Variants in CHD9 observed in about 807,000 individuals in gnomAD.
CHD9 encodes the protein ATP-dependent chromatin remodeler CHD9.
Under a neutral mutation model 316.1 loss-of-function variants are expected in CHD9, and 77 were observed. The ratio of observed to expected loss-of-function variants is 0.24; its 90% CI spans 0.20 to 0.29. The LOEUF (loss-of-function observed/expected upper bound fraction) is 0.29. Ranked by LOEUF, CHD9 falls within the 10% of genes least tolerant of loss-of-function variation. The pLI is 1.00. For missense variants in CHD9, 2,763 were observed against 3,438.1 expected (o/e 0.80, Z 4.91); for synonymous variants, 1,129 against 1,158.3 (o/e 0.97, Z 0.51).
intron 2 of CHD9, among the ~76,000 whole-genome samples, chr16:53,162,651 G>T (rs2041994718): frequency 6.6e-6 from 1 of 152,074 alleles, no homozygotes; most frequent in East Asian, 1.9e-4. Flanking sequence ...ATTGCCTTTT[G>T]TATTTTGATA....
intron 1 of CHD9, among the ~76,000 whole-genome samples, chr16:53,077,331 T>A (rs1314842431): frequency 6.8e-6 from 1 of 147,432 alleles, no homozygotes; most frequent in African/African-American, 2.5e-5. Context: ...TAAATTCATT[T>A]TTTTTTGTTT....
In CHD9 at chr16:53,247,512, T is replaced by TA; in HGVS notation, c.3665+10dup. ...TATCTCATACATAAAAGGTAAAGCA[T>TA]ACTGAATTTACTGTGAATTATGCTA... On this transcript the variant is annotated intron_variant, in intron 16 of 38. Transcript: ENST00000447540. The TA allele has an allele frequency of 1.3e-6, 2 of 1,541,266 alleles. No homozygotes were observed. Among genetic ancestry groups the TA allele is most frequent in the South Asian group, 2.3e-5 (2 of 85,478 alleles).
chr16:53,321,415 T>C (rs2057267060), intron 37 of CHD9, 111 bp from the exon 38 acceptor site: 1 of 1,391,294 alleles, frequency 7.2e-7, no homozygotes, highest in Non-Finnish European at 9.3e-7. Context: ...CCTAAGGTGG[T>C]TCAAAAAATA....
chr16:53,154,333 T>A (rs1414368505), intron 1 of CHD9, among the ~76,000 whole-genome samples: 1 of 152,238 alleles, frequency 6.6e-6, no homozygotes, highest in African/African-American at 2.4e-5. Flanking sequence ...TATAAAAACA[T>A]CTTGCTTTTG....
chr16:53,206,002 G>C (rs2045866640), intron 2 of CHD9, among the ~76,000 whole-genome samples: 1 of 151,772 alleles, frequency 6.6e-6, no homozygotes, highest in South Asian at 2.1e-4. Context: ...GCCCAGGCTG[G>C]AGTGCAATGG....
chr16:53,152,359 G>A (rs1449384143), intron 1 of CHD9, among the ~76,000 whole-genome samples: 1 of 152,146 alleles, frequency 6.6e-6, no homozygotes, highest in Admixed American at 6.5e-5. Flanking sequence ...GACACTTCCT[G>A]CTTGTTTTTG....
chr16:53,227,482 A>G lies in CHD9; in HGVS notation c.2112+18A>G. 6.6e-7 allele frequency: 1 copy of G among 1,507,330 alleles called. No individual in the cohort carries two copies. The highest frequency in any genetic ancestry group is 2.4e-5 in the East Asian group (1 of 41,622). The allele number at this position is 1,507,330 out of a possible 1,614,324, so 93.4% of individuals were successfully genotyped here. ...AAAAGGAAGTAAGTACTGGTACATT[A>G]CATTTTACACTTCATATTCTGTGGC... On this transcript the variant is annotated intron_variant, in intron 6 of 38. Coordinates refer to ENST00000447540, the MANE Select transcript of CHD9 (RefSeq NM_001308319.2).
intron 1 of CHD9, among the ~76,000 whole-genome samples, chr16:53,111,903 A>G (rs1393295236): frequency 6.6e-6 from 1 of 152,230 alleles, no homozygotes; most frequent in Non-Finnish European, 1.5e-5. Context: ...TTAATATGCG[A>G]TGACTTTATA....
chr16:53,312,158 TG>T (rs1050376795), intron 34 of CHD9, among the ~76,000 whole-genome samples: 33 of 152,200 alleles, frequency 2.2e-4, no homozygotes, highest in Admixed American at 2.0e-3. Context: ...AGAAACCAGA[TG>T]TTTTTTCATA....
chr16:53,281,588 C>G (rs1253896994), intron 24 of CHD9, among the ~76,000 whole-genome samples: 3 of 152,200 alleles, frequency 2.0e-5, no homozygotes, highest in Non-Finnish European at 4.4e-5. Flanking sequence ...TAACACCCTC[C>G]AGATGTTTCT....
chr16:53,306,366 G>A lies in CHD9; in HGVS notation c.6749G>A (p.Gly2250Glu), dbSNP rs759357619. The A allele has an allele frequency of 1.0e-5, 16 of 1,600,804 alleles. No individual in the cohort carries two copies. The highest frequency in any genetic ancestry group is 1.3e-5 in the Non-Finnish European group (15 of 1,175,500). Residue 2250 changes from glycine to glutamate, a missense_variant, in exon 32 of 39, where the codon GGA becomes GAA. Gly to Glu is a moderately conservative substitution (Grantham distance 98). This residue lies in a region of CHD9 where 663 missense variants were observed against 751.2 expected (regional missense o/e 0.88). Coordinates refer to ENST00000447540, the MANE Select transcript of CHD9 (RefSeq NM_001308319.2). ...GAGTCTGCTTATATCTTACAAGGTG[G>A]ATATATGCTGGCAGCCTCGTATTGG... ...TPESAYILQG[G>E]YMLAASYWPK...
At chr16:53,297,282 T>A in intron 30 of CHD9, 124 bp downstream of exon 30, 1 of 676,456 alleles carries the variant, frequency 1.5e-6, no homozygotes, top group Non-Finnish European at 2.5e-6. Flanking sequence ...TTGTCAGTAA[T>A]TTTTTAGAAT....
chr16:53,254,965 A>G (rs1402638244), intron 18 of CHD9, among the ~76,000 whole-genome samples: 6 of 152,102 alleles, frequency 3.9e-5, no homozygotes, highest in Non-Finnish European at 8.8e-5. Context: ...AAATGATGAC[A>G]TTTTGGCTTT....
Position 53,304,052 on chromosome 16 carries a change from C to T in CHD9, c.6046C>T (p.Leu2016=), listed in dbSNP as rs768871243. The change falls in exon 31 of 39, where the codon CTA becomes TTA. Residue 2016 remains leucine, a synonymous_variant. Coordinates refer to ENST00000447540, the MANE Select transcript of CHD9 (RefSeq NM_001308319.2). ...MAHSRTSTPL[L]QQYQVALSAS... is the part of the protein sequence containing the mutation. ...TCATTCAAGGACTTCTACCCCACTT[C>T]TACAGCAATATCAAGTAGCACTTTC... is the stretch of plus-strand genomic sequence containing the variant. The T allele has an allele frequency of 4.3e-6, 7 of 1,614,046 alleles. No individual in the cohort carries two copies. Among genetic ancestry groups the T allele is most frequent in the Middle Eastern group, 1.6e-4 (1 of 6,062 alleles).
intron 2 of CHD9, among the ~76,000 whole-genome samples, chr16:53,161,844 T>C (rs1467867045): frequency 6.6e-6 from 1 of 152,120 alleles, no homozygotes; most frequent in Non-Finnish European, 1.5e-5. Flanking sequence ...CTCTGCCTCC[T>C]GGGCTTAAGC....
chr16:53,241,321 C>A (rs1211981168), intron 12 of CHD9, among the ~76,000 whole-genome samples: 1 of 152,218 alleles, frequency 6.6e-6, no homozygotes, highest in Non-Finnish European at 1.5e-5. Flanking sequence ...TCCTTCTTAT[C>A]TTCCCTATAT....
chr16:53,231,171 C>T (rs2048141480), intron 8 of CHD9, among the ~76,000 whole-genome samples: 1 of 152,224 alleles, frequency 6.6e-6, no homozygotes, highest in Non-Finnish European at 1.5e-5. Flanking sequence ...AGGCTGCTTT[C>T]AGGCATTTTT....
intron 1 of CHD9, among the ~76,000 whole-genome samples, chr16:53,072,759 A>C (rs1031111813): frequency 1.3e-5 from 2 of 151,914 alleles, no homozygotes; most frequent in African/African-American, 4.8e-5. Flanking sequence ...CAGTGGCACA[A>C]TCTTGGCTCA....
intron 27 of CHD9, among the ~76,000 whole-genome samples, chr16:53,290,292 G>T (rs1431130000): frequency 2.6e-5 from 4 of 152,066 alleles, no homozygotes; most frequent in Non-Finnish European, 4.4e-5. Flanking sequence ...TGCTCAAATT[G>T]TGGGAGCTGG....
Sources: allele counts gnomAD v4.1 joint callset (sites outside exome capture counted in the v4.1 genomes callset), GRCh38; gene constraint gnomAD v4.1.1; regional missense constraint gnomAD v4.1.1; transcripts MANE v1.5; gene names NCBI Gene and HGNC (gene_info 2026-07-23, HGNC 2026-07-21).